The following RASA2 variants were observed in gnomAD, a reference collection of about 807,000 sequenced individuals.
RASA2 encodes RAS p21 protein activator 2, also known as ras GTPase-activating protein 2.
Under a neutral mutation model 118.2 loss-of-function variants are expected in RASA2, and 155 were observed. That is an observed-to-expected ratio of 1.31 (90% CI 1.15 to 1.50). The LOEUF (loss-of-function observed/expected upper bound fraction) is 1.50, where lower values mean the gene tolerates loss of function less well. Among genes scored for constraint, RASA2 ranks in the 40% most tolerant of loss-of-function variants. The pLI is 0.00. For synonymous variants in RASA2, 353 were observed against 349.1 expected, an observed-to-expected ratio of 1.01 and a Z score of -0.12; for missense variants, 1,016 against 1,009.6, an observed-to-expected ratio of 1.01 and a Z score of -0.09.
chr3:141,583,867 A>G (rs2083155919), intron 17 of RASA2, among the ~76,000 whole-genome samples: 1 of 152,186 alleles, frequency 6.6e-6, no homozygotes, highest in African/African-American at 2.4e-5. Flanking sequence ...TATAAAGGAA[A>G]AAGCAAAGAA....
At chr3:141,576,918 T>G in intron 14 of RASA2, 82 bp from the exon 15 acceptor site, 8 of 862,190 alleles carry the variant, frequency 9.3e-6, no homozygotes, top group African/African-American at 1.8e-5. Context: ...CTAGTTTACA[T>G]GTCTTTTCTA....
rs2083601425 is a variant in RASA2, at chr3:141,609,416, A to G, written c.2226-4A>G. ...ATATCTTTATTTTTTTATTTTTACC[A>G]TAGAGGTGTCCCTGCAGACATCCAA... On this transcript the variant is annotated splice_region_variant and splice_polypyrimidine_tract_variant and intron_variant, in intron 21 of 23. Transcript: ENST00000286364. 4 of 1,517,878 alleles carry G rather than the reference A, an allele frequency of 2.6e-6. No individual in the cohort carries two copies. The highest frequency in any genetic ancestry group is 2.3e-5 in the East Asian group (1 of 42,942). The allele number at this position is 1,517,878 out of a possible 1,614,324, so 94.0% of individuals were successfully genotyped here. A position where few individuals can be genotyped will look rare whatever the true frequency, so the allele number is the denominator to read the frequency against.
rs531881712 is a variant in RASA2 at position 141,528,207 on chromosome 3, A to G, written c.356-1501A>G. ...ACTCTTTAATAAAATACAGCTGTGT[A>G]CTTTACTATTTTCTTTAAAATTAGA... On this transcript the variant is annotated intron_variant, in intron 3 of 23. Transcript: ENST00000286364. Among the ~76,000 whole-genome samples the G allele has an allele frequency of 2.6e-5, 4 of 152,026 alleles. No homozygotes were observed. The South Asian group carries it at 6.2e-4, about 24-fold the overall frequency.
rs534994368 is a variant in RASA2, at chr3:141,559,797, A to T, written c.762-97A>T. 10 of 954,776 alleles carry T rather than the reference A, an allele frequency of 1.0e-5. No individual in the cohort carries two copies. In the African/African-American group the frequency reaches 1.3e-4, roughly 13 times the overall value. The allele number at this position is 954,776 out of a possible 1,614,324, so 59.1% of individuals were successfully genotyped here. A position where few individuals can be genotyped will look rare whatever the true frequency, so the allele number is the denominator to read the frequency against. ...AACATCTTTTAAGCATGTAAAATTA[A>T]TGCTGTAATACAGATCAAAGTAATT... is the stretch of plus-strand genomic sequence containing the variant. On this transcript the variant is annotated intron_variant, in intron 8 of 23. Transcript: ENST00000286364.
intron 9 of RASA2, among the ~76,000 whole-genome samples, chr3:141,569,686 A>G (rs2082883800): frequency 6.6e-6 from 1 of 152,170 alleles, no homozygotes; most frequent in Non-Finnish European, 1.5e-5. Flanking sequence ...GGTTTGTTAC[A>G]TGGGTATATT....
chr3:141,581,022 C>G, intron 16 of RASA2, 78 bp from the exon 17 acceptor site: 2 of 1,379,720 alleles, frequency 1.4e-6, no homozygotes, highest in Non-Finnish European at 1.9e-6. Context: ...GGCCTTAATC[C>G]TCAGCTTAAA....
intron 1 of RASA2, 117 bp downstream of exon 1, chr3:141,487,333 G>C: frequency 8.7e-7 from 1 of 1,149,600 alleles, no homozygotes; most frequent in South Asian, 4.2e-5. Flanking sequence ...GCCCGGGAGG[G>C]GGCCTGGGCC....
At position 141,612,425 on chromosome 3, in the gene RASA2, A is replaced by T; in HGVS notation, c.*112A>T. On this transcript the variant is annotated 3_prime_UTR_variant, in exon 24 of 24. Transcript: ENST00000286364. ...AAGAATGAGCATCCGCTTCAATGTC[A>T]TCTGCCTCCACATTGTATTTAATAT... The T allele has an allele frequency of 1.3e-6, 1 of 779,380 alleles. No homozygotes were observed. Among genetic ancestry groups the T allele is most frequent in the Non-Finnish European group, 2.1e-6 (1 of 486,946 alleles). The allele number at this position is 779,380 out of a possible 1,614,324, so 48.3% of individuals were successfully genotyped here.
At chr3:141,554,667 C>G (rs1334585419) in intron 6 of RASA2, among the ~76,000 whole-genome samples, 5 of 152,138 alleles carry the variant, frequency 3.3e-5, no homozygotes, top group Non-Finnish European at 7.4e-5. Flanking sequence ...TTTTCCCCAT[C>G]CCCAGAATCT....
chr3:141,496,977 A>G (rs981572335), intron 1 of RASA2, among the ~76,000 whole-genome samples: 2 of 152,168 alleles, frequency 1.3e-5, no homozygotes, highest in South Asian at 2.1e-4. Flanking sequence ...ATGGAATACT[A>G]TGCAGCCATA....
rs201718463 is a variant in RASA2 at position 141,572,059 on chromosome 3, T to C, written c.1169+505T>C. Among the ~76,000 whole-genome samples, 527 of 121,964 alleles carry C rather than the reference T, an allele frequency of 4.3e-3. 9 individuals are homozygous for C. The East Asian group carries it at 0.057, about 13-fold the overall frequency. 80.0% of individuals were successfully genotyped at this position (121,964 alleles called of 152,430 possible). ...ATATATATATATATATATATATATA[T>C]ATACACACACACACACACATATGTA... On this transcript the variant is annotated intron_variant, in intron 11 of 23. Coordinates refer to ENST00000286364, the MANE Select transcript of RASA2 (RefSeq NM_006506.5).
At chr3:141,599,769 T>TTTTTTTTTTTTTTTTTTTGAGA (rs1158078807) in intron 19 of RASA2, among the ~76,000 whole-genome samples, 1 of 152,010 alleles carries the variant, frequency 6.6e-6, no homozygotes, top group Non-Finnish European at 1.5e-5. Flanking sequence ...GCGTTTTCAT[T>TTTTTTTTTTTTTTTTTTTGAGA]CAGTCTAATA....
In RASA2 at chr3:141,555,913, G is replaced by A. The variant is rs1027340891; in HGVS notation, c.684+1G>A. On this transcript the variant is annotated splice_donor_variant, in intron 7 of 23. Transcript: ENST00000286364. LOFTEE classifies it high-confidence loss of function. ...GTTTAATGAAATCTTTTATTTTGAGGTAATTTTTTGTTTTACGTAAATGTT... is the reference window on the plus strand; with the variant it reads ...GTTTAATGAAATCTTTTATTTTGAGATAATTTTTTGTTTTACGTAAATGTT... The A allele has an allele frequency of 3.8e-6, 6 of 1,599,014 alleles. No homozygotes were observed. The highest frequency in any genetic ancestry group is 5.1e-6 in the Non-Finnish European group (6 of 1,170,832).
At chr3:141,570,488 G>T (rs1022794011) in intron 9 of RASA2, among the ~76,000 whole-genome samples, 6 of 152,178 alleles carry the variant, frequency 3.9e-5, no homozygotes, top group African/African-American at 1.2e-4. Flanking sequence ...CCAAAGTGCT[G>T]AGATTACAGT....
At chr3:141,553,667 T>A (rs974058436) in intron 5 of RASA2, among the ~76,000 whole-genome samples, 190 bp from the exon 6 acceptor site, 1 of 152,194 alleles carries the variant, frequency 6.6e-6, no homozygotes, top group Non-Finnish European at 1.5e-5. Flanking sequence ...AGCATAAATT[T>A]AAAAATGCAT....
chr3:141,534,045 G>A (rs2082294224), intron 4 of RASA2, among the ~76,000 whole-genome samples: 1 of 151,954 alleles, frequency 6.6e-6, no homozygotes, highest in African/African-American at 2.4e-5. Context: ...TATTTCATTT[G>A]GTATTCTTTC....
intron 5 of RASA2, among the ~76,000 whole-genome samples, chr3:141,542,850 A>G (rs150103080): frequency 3.8e-4 from 58 of 152,244 alleles, no homozygotes; most frequent in African/African-American, 1.2e-3. Context: ...TGTCATTTCA[A>G]GAATGTTATG....
At chr3:141,514,347 C>T (rs1043434904) in intron 2 of RASA2, among the ~76,000 whole-genome samples, 1 of 152,170 alleles carries the variant, frequency 6.6e-6, no homozygotes, top group Non-Finnish European at 1.5e-5. Context: ...CCATTTTTGT[C>T]ACTATAGATT....
At chr3:141,518,650 TC>T (rs1404803425) in intron 3 of RASA2, among the ~76,000 whole-genome samples, 1 of 151,808 alleles carries the variant, frequency 6.6e-6, no homozygotes, top group Non-Finnish European at 1.5e-5. Context: ...TAATCTGGCT[TC>T]TATGTTTTTT....
Sources: allele counts gnomAD v4.1 joint callset (sites outside exome capture counted in the v4.1 genomes callset), GRCh38; gene constraint gnomAD v4.1.1; transcripts MANE v1.5; gene names NCBI Gene and HGNC (gene_info 2026-07-23, HGNC 2026-07-21).